Variants in TPD52 observed in about 807,000 individuals in gnomAD.
TPD52 encodes prostate and colon associated protein.
TPD52 carries 17 observed loss-of-function variants against 31.3 expected under a neutral mutation model. The ratio of observed to expected loss-of-function variants is 0.54; its 90% CI spans 0.37 to 0.82. The LOEUF is 0.82. Ranked by LOEUF, TPD52 falls within the 40% of genes least tolerant of loss-of-function variation. The pLI, the probability that TPD52 is intolerant of heterozygous loss-of-function variation, is 0.00. For synonymous variants in TPD52, 83 were observed against 89.6 expected (o/e 0.93, Z 0.42); for missense variants, 212 against 240.1 (o/e 0.88, Z 0.77).
At chr8:80,154,245 G>A (rs1383297640) in intron 1 of TPD52, among the ~76,000 whole-genome samples, 1 of 152,242 alleles carries the variant, frequency 6.6e-6, no homozygotes, top group South Asian at 2.1e-4. Flanking sequence ...GAGAAGCAAC[G>A]GGCCCTGTTG....
At chr8:80,154,361 G>A (rs1026368957) in intron 1 of TPD52, among the ~76,000 whole-genome samples, 1 of 152,112 alleles carries the variant, frequency 6.6e-6, no homozygotes, top group African/African-American at 2.4e-5. Flanking sequence ...CTCTGGAGTC[G>A]AACCCTCCCT....
rs1324537598 is a variant in TPD52, at chr8:80,053,162, G to GT, written c.284+119dup. The GT allele has an allele frequency of 1.8e-5, 20 of 1,132,238 alleles. No individual in the cohort carries two copies. In the Admixed American group the frequency reaches 5.3e-4, roughly 30 times the overall value. 70.1% of individuals were successfully genotyped at this position (1,132,238 alleles called of 1,614,324 possible). ...TTGAAAATCAGAAAAAAAGGGTGCC[G>GT]TGTCGTCCAAAGAAAAGCTGCTGAA... On this transcript the variant is annotated intron_variant, in intron 3 of 7. Transcript: ENST00000518937.
intron 5 of TPD52, among the ~76,000 whole-genome samples, chr8:80,048,486 T>C (rs1028728009): frequency 6.6e-6 from 1 of 152,194 alleles, no homozygotes; most frequent in Non-Finnish European, 1.5e-5. Context: ...TCATAGCACT[T>C]AGCAAAAGGA....
chr8:80,120,646 T>G (rs1198937346), intron 1 of TPD52, among the ~76,000 whole-genome samples: 1 of 152,232 alleles, frequency 6.6e-6, no homozygotes, highest in Non-Finnish European at 1.5e-5. Flanking sequence ...TTTGACCTTC[T>G]TCAGTTAGCA....
intron 1 of TPD52, among the ~76,000 whole-genome samples, chr8:80,069,459 T>G (rs943871635): frequency 2.0e-5 from 3 of 151,902 alleles, no homozygotes; most frequent in Admixed American, 1.3e-4. Flanking sequence ...AGCAAGACCC[T>G]GTCTCAAAAC....
At chr8:80,043,368 A>G (rs1810557925) in intron 6 of TPD52, among the ~76,000 whole-genome samples, 1 of 152,128 alleles carries the variant, frequency 6.6e-6, no homozygotes, top group Admixed American at 6.5e-5. Context: ...CAGGGTTTCC[A>G]ATGCTGTTAT....
Position 80,051,471 on chromosome 8 carries a change from A to G in TPD52, c.386+56T>C. On this transcript the variant is annotated intron_variant, in intron 4 of 7. Transcript: ENST00000518937. ...AAGGTCAGGAAACAGATGCAACAAC[A>G]ATAACATTTTAATTTGCGTCAGCTA... is the stretch of plus-strand genomic sequence containing the variant. 7 of 1,526,504 alleles carry G rather than the reference A, an allele frequency of 4.6e-6. No homozygotes were observed. The Admixed American group carries it at 6.7e-5, about 15-fold the overall frequency. 94.6% of individuals were successfully genotyped at this position (1,526,504 alleles called of 1,614,324 possible).
chr8:80,124,111 A>G (rs999037462), intron 1 of TPD52, among the ~76,000 whole-genome samples: 1 of 151,962 alleles, frequency 6.6e-6, no homozygotes, highest in African/African-American at 2.4e-5. Flanking sequence ...GTTAGGCAAT[A>G]CTAGAGAGGG....
chr8:80,145,554 G>C (rs1339046694), intron 1 of TPD52, among the ~76,000 whole-genome samples: 1 of 152,174 alleles, frequency 6.6e-6, no homozygotes, highest in Non-Finnish European at 1.5e-5. Context: ...GGTGACTGTA[G>C]GAATCATAAG....
intron 1 of TPD52, among the ~76,000 whole-genome samples, chr8:80,080,990 C>A (rs1346572843): frequency 6.6e-6 from 1 of 152,126 alleles, no homozygotes; most frequent in Admixed American, 6.5e-5. Context: ...TTTTTTTCCA[C>A]CCTGGATTAC....
At chr8:80,169,467 C>T (rs570022583) in intron 1 of TPD52, among the ~76,000 whole-genome samples, 2 of 152,304 alleles carry the variant, frequency 1.3e-5, no homozygotes, top group South Asian at 2.1e-4. Flanking sequence ...TAGAATTAGA[C>T]ACTTAAACTA....
intron 2 of TPD52, among the ~76,000 whole-genome samples, chr8:80,058,013 T>C (rs572339307): frequency 4.4e-4 from 67 of 152,262 alleles, no homozygotes; most frequent in South Asian, 3.9e-3. Context: ...AAATAATGCA[T>C]GTAAAGAGCT....
At chr8:80,097,404 T>C (rs1436791497) in intron 1 of TPD52, among the ~76,000 whole-genome samples, 1 of 152,234 alleles carries the variant, frequency 6.6e-6, no homozygotes, top group Non-Finnish European at 1.5e-5. Context: ...AGATCTGTGT[T>C]CCCATCCAAA....
chr8:80,127,821 C>A (rs1033930901), intron 1 of TPD52, among the ~76,000 whole-genome samples: 1 of 131,188 alleles, frequency 7.6e-6, no homozygotes, highest in African/African-American at 2.6e-5. Context: ...CACACACACA[C>A]ACACACACAC....
At chr8:80,097,130 T>A (rs1302148627) in intron 1 of TPD52, among the ~76,000 whole-genome samples, 1 of 80,834 alleles carries the variant, frequency 1.2e-5, no homozygotes, top group Non-Finnish European at 2.1e-5. Context: ...GGATAGAAGT[T>A]CAAACCAGCT....
chr8:80,080,698 C>T (rs2130827258), intron 1 of TPD52: 3 of 1,185,442 alleles, frequency 2.5e-6, no homozygotes, highest in East Asian at 3.7e-5. Context: ...GGGCTCTATT[C>T]ACCACCTGGT....
At chr8:80,054,310 G>A (rs1419206560) in intron 2 of TPD52, among the ~76,000 whole-genome samples, 1 of 152,174 alleles carries the variant, frequency 6.6e-6, no homozygotes, top group African/African-American at 2.4e-5. Flanking sequence ...ATCTAAAACT[G>A]TAAGCAGAAG....
At position 80,048,143 on chromosome 8, in the gene TPD52, T is replaced by G. The variant is rs536684116; in HGVS notation, c.413+2302A>C. Among the ~76,000 whole-genome samples the G allele has an allele frequency of 3.9e-5, 6 of 152,278 alleles. No individual in the cohort carries two copies. The South Asian group carries it at 1.0e-3, about 26-fold the overall frequency. ...CCCAGAGGGCCTCCCAGGACAGCAC[T>G]CATGACCACGTCCTCCTTGGCCTTG... On this transcript the variant is annotated intron_variant, in intron 5 of 7. Coordinates refer to ENST00000518937, the MANE Select transcript of TPD52 (RefSeq NM_001025253.3).
intron 1 of TPD52, chr8:80,127,729 G>A (rs1808712939): frequency 6.8e-6 from 1 of 146,586 alleles, no homozygotes; most frequent in Non-Finnish European, 1.5e-5. Context: ...ATTTTTACAG[G>A]AATTATCCTA....
Sources: allele counts gnomAD v4.1 joint callset (sites outside exome capture counted in the v4.1 genomes callset), GRCh38; gene constraint gnomAD v4.1.1; transcripts MANE v1.5; gene names NCBI Gene and HGNC (gene_info 2026-07-23, HGNC 2026-07-21).